Variants in DAB1 observed in about 807,000 individuals in gnomAD.
DAB1 encodes DAB adaptor protein 1.
Under a neutral mutation model 64.6 loss-of-function variants are expected in DAB1, and 15 were observed. The ratio of observed to expected loss-of-function variants is 0.23; its 90% CI spans 0.16 to 0.36. The LOEUF (loss-of-function observed/expected upper bound fraction) is 0.36. DAB1 is among the 10% of genes least tolerant of loss of function. DAB1 has a pLI of 1.00. For missense variants in DAB1, 596 were observed against 706.7 expected, an observed-to-expected ratio of 0.84 and a Z score of 1.78; for synonymous variants, 235 against 251.9, an observed-to-expected ratio of 0.93 and a Z score of 0.64.
In DAB1 at chr1:57,581,498, C is replaced by T. The variant is rs1645311283; in HGVS notation, n.625+68094G>A. Among the ~76,000 whole-genome samples, 4 of 152,088 alleles carry T rather than the reference C, an allele frequency of 2.6e-5. No homozygotes were observed. In the South Asian group the frequency reaches 8.3e-4, roughly 32 times the overall value. The stretch of plus-strand genomic sequence containing the variant: ...CCCCTAATGTTGGGTTGACTACTTG[C>T]GAGCTGAGTGACCGGACAAAATACT... On this transcript the variant is annotated intron_variant and non_coding_transcript_variant, in intron 7 of 20. Coordinates refer to the DAB1 transcript ENST00000485760.
chr1:58,530,948 C>A (rs1197749822), intron 1 of DAB1, among the ~76,000 whole-genome samples: 1 of 152,062 alleles, frequency 6.6e-6, no homozygotes, highest in Non-Finnish European at 1.5e-5. Flanking sequence ...ATCTACTAAG[C>A]CACTTACTAT....
chr1:57,309,878 T>C (rs766068247), intron 1 of DAB1, among the ~76,000 whole-genome samples: 3 of 152,060 alleles, frequency 2.0e-5, no homozygotes, highest in South Asian at 4.1e-4. Context: ...TGACTTTCAG[T>C]GATCACAAGA....
At chr1:58,200,616 C>T (rs1657944057) in intron 4 of DAB1, among the ~76,000 whole-genome samples, 1 of 152,164 alleles carries the variant, frequency 6.6e-6, no homozygotes, top group South Asian at 2.1e-4. Context: ...ATATAAATCA[C>T]TCAAGTAAGG....
At chr1:57,403,290 G>C (rs1683389975) in intron 1 of DAB1, among the ~76,000 whole-genome samples, 1 of 152,190 alleles carries the variant, frequency 6.6e-6, no homozygotes, top group South Asian at 2.1e-4. Flanking sequence ...GAACTAGTAG[G>C]ATTTGAGCCT....
chr1:57,533,354 G>A (rs1644687240), intron 7 of DAB1, among the ~76,000 whole-genome samples: 1 of 149,506 alleles, frequency 6.7e-6, no homozygotes, highest in African/African-American at 2.5e-5. Context: ...ACAACACCTG[G>A]CATAATATTT....
chr1:58,125,813 A>G (rs1188489668), intron 5 of DAB1, among the ~76,000 whole-genome samples: 2 of 152,196 alleles, frequency 1.3e-5, no homozygotes, highest in East Asian at 3.9e-4. Context: ...AGGTACAATC[A>G]GCTCATTTTA....
At chr1:58,424,171 A>G (rs902961224) in intron 3 of DAB1, among the ~76,000 whole-genome samples, 1 of 152,168 alleles carries the variant, frequency 6.6e-6, no homozygotes, top group Admixed American at 6.5e-5. Flanking sequence ...TTTTCGTTCA[A>G]GTCCAAAAGC....
At chr1:57,972,589 A>G (rs963005458) in intron 5 of DAB1, among the ~76,000 whole-genome samples, 1 of 152,170 alleles carries the variant, frequency 6.6e-6, no homozygotes, top group African/African-American at 2.4e-5. Context: ...AGATGTTGGG[A>G]AACAACTCTG....
At chr1:57,725,057 C>T (rs954377591) in intron 6 of DAB1, among the ~76,000 whole-genome samples, 1 of 152,204 alleles carries the variant, frequency 6.6e-6, no homozygotes, top group Non-Finnish European at 1.5e-5. Flanking sequence ...GGAGAGACAG[C>T]ATAGTACAGT....
chr1:57,662,060 A>C (rs538788981), intron 6 of DAB1, among the ~76,000 whole-genome samples: 3 of 152,284 alleles, frequency 2.0e-5, no homozygotes, highest in African/African-American at 7.2e-5. Context: ...CCAAGAAGAC[A>C]ATCAGAGATT....
At chr1:58,346,792 G>A (rs540296855) in intron 3 of DAB1, among the ~76,000 whole-genome samples, 3 of 152,308 alleles carry the variant, frequency 2.0e-5, no homozygotes, top group African/African-American at 4.8e-5. Context: ...GCAACTACCT[G>A]CTAGAAGGAA....
At chr1:58,247,106 C>T (rs1046788346) in intron 4 of DAB1, among the ~76,000 whole-genome samples, 1 of 152,032 alleles carries the variant, frequency 6.6e-6, no homozygotes, top group Non-Finnish European at 1.5e-5. Context: ...TGGAAGGGCC[C>T]ATACTGGAGG....
chr1:57,015,186 G>T lies in DAB1; in HGVS notation c.1141C>A (p.Gln381Lys). 2 of 1,614,094 alleles carry T rather than the reference G, an allele frequency of 1.2e-6. No individual in the cohort carries two copies. Among genetic ancestry groups the T allele is most frequent in the Non-Finnish European group, 1.7e-6 (2 of 1,180,010 alleles). The change falls in exon 12 of 15, where the codon CAA becomes AAA. Residue 381 changes from glutamine (Q) to lysine (K), a missense_variant. This residue lies in a region of DAB1 where 377 missense variants were observed against 400.4 expected (regional missense o/e 0.94). Coordinates refer to ENST00000371236, the MANE Select transcript of DAB1 (RefSeq NM_001365792.1). Reference sequence around the variant, plus strand: ...GTGGCAAGGGGGGTGAGGGGACCTTGGAACATGGCAGCTGGCAAAGGCATA... The same window carrying T: ...GTGGCAAGGGGGGTGAGGGGACCTTTGAACATGGCAGCTGGCAAAGGCATA... ...TVMPLPAAMF[Q>K]GPLTPLATVP...
chr1:58,175,338 T>C (rs940646344), intron 4 of DAB1, among the ~76,000 whole-genome samples: 2 of 152,140 alleles, frequency 1.3e-5, no homozygotes, highest in Non-Finnish European at 2.9e-5. Context: ...GAAGAAACTC[T>C]GGACACATCT....
At chr1:58,330,252 C>T (rs113972263) in intron 4 of DAB1, among the ~76,000 whole-genome samples, 2,111 of 152,274 alleles carry the variant, frequency 0.014, 63 homozygotes, top group African/African-American at 0.048. Context: ...TAAGTCAAAG[C>T]CTAATCCAGA....
intron 5 of DAB1, among the ~76,000 whole-genome samples, chr1:58,103,290 G>A (rs1286596332): frequency 6.6e-6 from 1 of 152,182 alleles, no homozygotes; most frequent in Non-Finnish European, 1.5e-5. Context: ...ATCAGAACCA[G>A]AGAGGATCCC....
chr1:57,052,908 T>G (rs986181670), intron 9 of DAB1, among the ~76,000 whole-genome samples: 1 of 152,236 alleles, frequency 6.6e-6, no homozygotes, highest in Non-Finnish European at 1.5e-5. Context: ...GTTCACTCTC[T>G]CATTATACTA....
intron 5 of DAB1, among the ~76,000 whole-genome samples, chr1:58,070,061 C>G (rs955677267): frequency 2.0e-5 from 3 of 152,172 alleles, no homozygotes; most frequent in Non-Finnish European, 1.5e-5. Context: ...CAATACTAGG[C>G]CAGGCACTTG....
At chr1:58,016,450 C>T (rs1325312265) in intron 5 of DAB1, among the ~76,000 whole-genome samples, 7 of 152,198 alleles carry the variant, frequency 4.6e-5, no homozygotes, top group Non-Finnish European at 7.3e-5. Flanking sequence ...AAAACTGAGT[C>T]TGCATGAACA....
Sources: gnomAD v4.1 joint callset for allele counts (sites outside exome capture counted in the v4.1 genomes callset) on GRCh38, gnomAD v4.1.1 for gene constraint, gnomAD v4.1.1 regional missense constraint, MANE v1.5 for transcripts, NCBI Gene and HGNC (gene_info 2026-07-23, HGNC 2026-07-21) for gene names.